Variants in PDLIM1 observed in about 807,000 individuals in gnomAD.
The protein encoded by PDLIM1 is PDZ and LIM domain 1.
PDLIM1 carries 25 observed loss-of-function variants against 35.2 expected under a neutral mutation model. The observed-to-expected ratio is 0.71, with a 90% CI of 0.52 to 0.99. The LOEUF (loss-of-function observed/expected upper bound fraction) is 0.99, where lower values mean the gene tolerates loss of function less well. Among genes scored for constraint, PDLIM1 ranks in the 50% least tolerant of loss-of-function variants. The pLI is 0.00. For missense variants in PDLIM1, 363 were observed against 415.3 expected (o/e 0.87, Z 1.09); for synonymous variants, 152 against 154.0 (o/e 0.99, Z 0.10).
At position 95,237,748 on chromosome 10, in the gene PDLIM1, C is replaced by T. The variant is rs573589560; in HGVS notation, c.*177G>A. ...AACAGTTTTCCTTTAATTGTAAAAG[C>T]GGGCATCGCACAGCTGGTGTGAGTC... On this transcript the variant is annotated 3_prime_UTR_variant, in exon 7 of 7. Transcript: ENST00000329399. 3 of 577,864 alleles carry T rather than the reference C, an allele frequency of 5.2e-6. No individual in the cohort carries two copies. Among genetic ancestry groups the T allele is most frequent in the South Asian group, 2.4e-5 (1 of 42,300 alleles). 35.8% of individuals were successfully genotyped at this position (577,864 alleles called of 1,614,324 possible).
intron 1 of PDLIM1, among the ~76,000 whole-genome samples, chr10:95,281,836 C>T (rs556172573): frequency 5.9e-5 from 9 of 152,300 alleles, no homozygotes; most frequent in African/African-American, 1.9e-4. Context: ...AATAACTCGA[C>T]GTGGGTCCTA....
In PDLIM1 at chr10:95,290,342, G is replaced by C. The variant is rs910717529; in HGVS notation, c.96+478C>G. On this transcript the variant is annotated intron_variant, in intron 1 of 6. Transcript: ENST00000329399. The surrounding 1 kb of genome is among the most constrained non-coding windows in gnomAD (Gnocchi z 4.7). ...GGGTCAAGTCCAAAGAGCGTGTTTCGGTTGTTTTTTTAGGTTAATCCCACT... is the reference window on the plus strand; with the variant it reads ...GGGTCAAGTCCAAAGAGCGTGTTTCCGTTGTTTTTTTAGGTTAATCCCACT... 2.6e-5 allele frequency among the ~76,000 whole-genome samples: 4 copies of C among 152,098 alleles called. No individual in the cohort carries two copies. The highest frequency in any genetic ancestry group is 9.7e-5 in the African/African-American group (4 of 41,380).
At position 95,290,977 on chromosome 10, in the gene PDLIM1, G is replaced by T; in HGVS notation, c.-62C>A. The T allele has an allele frequency of 9.8e-7, 1 of 1,018,190 alleles. No homozygotes were observed. The highest frequency in any genetic ancestry group is 1.4e-6 in the Non-Finnish European group (1 of 710,938). The allele number at this position is 1,018,190 out of a possible 1,614,324, so 63.1% of individuals were successfully genotyped here. ...ACGGGCAGGACGCGCGGAACAGCTT[G>T]CAGGGCACCCCCGGCGGCTGTCGGA... On this transcript the variant is annotated 5_prime_UTR_variant, in exon 1 of 7. Transcript: ENST00000329399. This position sits in a 1 kb window ranked among gnomAD's most constrained non-coding sequence, Gnocchi z 4.7.
chr10:95,247,388 T>C (rs2035230917), intron 4 of PDLIM1, 22 bp from the exon 5 acceptor site: 18 of 1,598,326 alleles, frequency 1.1e-5, no homozygotes, highest in Non-Finnish European at 1.5e-5. Flanking sequence ...GTTTGAAAAA[T>C]TGATTAGGAC....
chr10:95,272,774 T>C (rs2035476882), intron 1 of PDLIM1, among the ~76,000 whole-genome samples: 1 of 152,208 alleles, frequency 6.6e-6, no homozygotes. Context: ...TCTCCCAAAA[T>C]GACTAGGGTC....
intron 1 of PDLIM1, among the ~76,000 whole-genome samples, chr10:95,284,027 T>C (rs879708754): frequency 6.6e-6 from 1 of 151,576 alleles, no homozygotes; most frequent in Non-Finnish European, 1.5e-5. Flanking sequence ...CTCCTTCATG[T>C]CACTGTGCAT....
At chr10:95,239,901 C>T (rs2035162215) in intron 5 of PDLIM1, among the ~76,000 whole-genome samples, 1 of 152,152 alleles carries the variant, frequency 6.6e-6, no homozygotes, top group Admixed American at 6.5e-5. Flanking sequence ...AGCTCGACAT[C>T]ACTGATCATT....
In PDLIM1 at chr10:95,237,892, G is replaced by A. The variant is rs2035139600; in HGVS notation, c.*33C>T. 1.9e-6 allele frequency: 3 copies of A among 1,582,674 alleles called. No individual in the cohort carries two copies. The highest frequency in any genetic ancestry group is 1.7e-6 in the Non-Finnish European group (2 of 1,153,800). On this transcript the variant is annotated 3_prime_UTR_variant, in exon 7 of 7. Transcript: ENST00000329399. ...ACTGAGAGAAAAAGCTGCAGCAGAGGCCTGCTGGAGAACAGTGGTCAGATC... is the reference window on the plus strand; with the variant it reads ...ACTGAGAGAAAAAGCTGCAGCAGAGACCTGCTGGAGAACAGTGGTCAGATC...
At chr10:95,259,854 C>A (rs2035346181) in intron 4 of PDLIM1, among the ~76,000 whole-genome samples, 1 of 152,152 alleles carries the variant, frequency 6.6e-6, no homozygotes, top group Admixed American at 6.5e-5. Flanking sequence ...TTATCTAGGG[C>A]CTAGTATGTT....
At chr10:95,251,354 C>T (rs2035266061) in intron 4 of PDLIM1, among the ~76,000 whole-genome samples, 1 of 151,934 alleles carries the variant, frequency 6.6e-6, no homozygotes, top group Non-Finnish European at 1.5e-5. Flanking sequence ...AGGTGAATTG[C>T]CTGAGCTCAG....
chr10:95,266,857 G>C lies in PDLIM1; in HGVS notation c.333+1921C>G, dbSNP rs75024162. ...AGGCAGATTCAGGGCTTGCCTTTTA[G>C]AAGGGATGATGTAATTGTTTGGGCT... On this transcript the variant is annotated intron_variant, in intron 3 of 6. Coordinates refer to ENST00000329399, the MANE Select transcript of PDLIM1 (RefSeq NM_020992.4). Among the ~76,000 whole-genome samples, 25 of 152,330 alleles carry C rather than the reference G, an allele frequency of 1.6e-4. No homozygotes were observed. The East Asian group carries it at 4.8e-3, about 29-fold the overall frequency.
chr10:95,263,718 G>C, intron 4 of PDLIM1, 146 bp downstream of exon 4: 2 of 586,676 alleles, frequency 3.4e-6, no homozygotes, highest in Non-Finnish European at 6.0e-6. Context: ...TTGTGTAGAT[G>C]AAGAAAATGA....
chr10:95,248,248 A>T (rs2035239831), intron 4 of PDLIM1, among the ~76,000 whole-genome samples: 1 of 152,158 alleles, frequency 6.6e-6, no homozygotes, highest in Non-Finnish European at 1.5e-5. Context: ...TCAGAGTGAT[A>T]TTTTTTGTTT....
chr10:95,265,361 G>A (rs763891593), intron 3 of PDLIM1, among the ~76,000 whole-genome samples: 9 of 150,246 alleles, frequency 6.0e-5, no homozygotes, highest in South Asian at 4.2e-4. Context: ...TTGGGAGGCC[G>A]AGGCGGGCGG....
At position 95,290,648 on chromosome 10, in the gene PDLIM1, G is replaced by GGCGGCGGGGA. The variant is rs1393121694; in HGVS notation, c.96+162_96+171dup. Among the ~76,000 whole-genome samples, 9 of 152,042 alleles carry GGCGGCGGGGA rather than the reference G, an allele frequency of 5.9e-5. No individual in the cohort carries two copies. Among genetic ancestry groups the GGCGGCGGGGA allele is most frequent in the Non-Finnish European group, 1.2e-4 (8 of 67,918 alleles). On this transcript the variant is annotated intron_variant, in intron 1 of 6. Transcript: ENST00000329399. This position sits in a 1 kb window ranked among gnomAD's most constrained non-coding sequence, Gnocchi z 4.7. ...CCCGGGAGCGCAGCCTCCGCGAAGG[G>GGCGGCGGGGA]GCGGCGGGGAGCGGCGGGGCCCGGG... is the stretch of plus-strand genomic sequence containing the variant.
chr10:95,275,088 A>T (rs2133436079), intron 1 of PDLIM1, among the ~76,000 whole-genome samples: 1 of 152,258 alleles, frequency 6.6e-6, no homozygotes, highest in South Asian at 2.1e-4. Context: ...CTATTGTAGA[A>T]CCTAAGATTG....
chr10:95,278,136 CA>C (rs1235550404), intron 1 of PDLIM1, among the ~76,000 whole-genome samples: 2 of 152,196 alleles, frequency 1.3e-5, no homozygotes. Flanking sequence ...TTCTGAAAGA[CA>C]GTGTAACTTG....
At chr10:95,286,417 ATTATT>A (rs1262140025) in intron 1 of PDLIM1, among the ~76,000 whole-genome samples, 7 of 151,934 alleles carry the variant, frequency 4.6e-5, no homozygotes, top group South Asian at 2.1e-4. Flanking sequence ...TTGCTTGCTT[ATTATT>A]TTATTTTATC....
intron 1 of PDLIM1, among the ~76,000 whole-genome samples, chr10:95,283,900 A>G (rs924744703): frequency 6.6e-6 from 1 of 152,148 alleles, no homozygotes; most frequent in African/African-American, 2.4e-5. Flanking sequence ...GACTGCTAAC[A>G]CTGTAGATTA....
Sources: gnomAD v4.1 joint callset for allele counts (sites outside exome capture counted in the v4.1 genomes callset) on GRCh38, gnomAD v4.1.1 for gene constraint, Gnocchi (gnomAD v3.1) non-coding constraint, MANE v1.5 for transcripts, NCBI Gene and HGNC (gene_info 2026-07-23, HGNC 2026-07-21) for gene names.